TET1: variants seen among roughly 807,000 people sequenced by gnomAD.
TET1 encodes the protein tet methylcytosine dioxygenase 1, also known as methylcytosine dioxygenase TET1.
In TET1, 13 loss-of-function variants were observed where a neutral mutation model predicts 148.7. That is an observed-to-expected ratio of 0.09 (90% CI 0.06 to 0.14). TET1 has a LOEUF of 0.14. Ranked by LOEUF, TET1 falls within the 10% of genes least tolerant of loss-of-function variation. The pLI is 1.00. For synonymous variants in TET1, 907 were observed against 937.2 expected, an observed-to-expected ratio of 0.97 and a Z score of 0.59; for missense variants, 2,182 against 2,553.8, an observed-to-expected ratio of 0.85 and a Z score of 3.14.
intron 8 of TET1, 22 bp from the exon 9 acceptor site, chr10:68,681,377 A>G: frequency 6.6e-7 from 1 of 1,523,398 alleles, no homozygotes; most frequent in Non-Finnish European, 9.1e-7. Context: ...TAAAATACCT[A>G]ATGGATTCTG....
chr10:68,610,893 C>T (rs1048119375), intron 3 of TET1, among the ~76,000 whole-genome samples: 1 of 152,114 alleles, frequency 6.6e-6, no homozygotes, highest in Non-Finnish European at 1.5e-5. Flanking sequence ...TGGGCTCAAG[C>T]AAACCCAAAG....
At chr10:68,575,265 T>A (rs1351155353) in intron 2 of TET1, among the ~76,000 whole-genome samples, 1 of 151,946 alleles carries the variant, frequency 6.6e-6, no homozygotes, top group Non-Finnish European at 1.5e-5. Flanking sequence ...GTGCCTGTAA[T>A]CCCAGCTACT....
At chr10:68,654,221 A>T (rs1573038) in intron 6 of TET1, among the ~76,000 whole-genome samples, 28,950 of 151,946 alleles carry the variant, frequency 0.19, 3,482 homozygotes, top group African/African-American at 0.34. Flanking sequence ...GCAGAGGATA[A>T]GCAGGAAGTA....
At chr10:68,585,154 G>A (rs1366015460) in intron 2 of TET1, among the ~76,000 whole-genome samples, 4 of 152,076 alleles carry the variant, frequency 2.6e-5, no homozygotes, top group Admixed American at 6.6e-5. Context: ...AAAGGCATGC[G>A]CCACCACACC....
intron 6 of TET1, among the ~76,000 whole-genome samples, chr10:68,662,897 G>A (rs1379961197): frequency 6.6e-6 from 1 of 152,128 alleles, no homozygotes; most frequent in Non-Finnish European, 1.5e-5. Flanking sequence ...CTCCAGCCAA[G>A]GTGACATAGT....
intron 3 of TET1, among the ~76,000 whole-genome samples, chr10:68,613,753 A>G (rs2054249667): frequency 6.6e-6 from 1 of 152,150 alleles, no homozygotes; most frequent in Non-Finnish European, 1.5e-5. Context: ...CCTAGCCAAC[A>G]TGGTGAAACC....
intron 2 of TET1, among the ~76,000 whole-genome samples, chr10:68,588,839 T>G (rs2053888022): frequency 6.6e-6 from 1 of 150,822 alleles, no homozygotes; most frequent in African/African-American, 2.4e-5. Context: ...AAAAAAATGT[T>G]GGCTGGGTGT....
intron 6 of TET1, among the ~76,000 whole-genome samples, chr10:68,655,418 A>G (rs2055007157): frequency 6.6e-6 from 1 of 152,186 alleles, no homozygotes; most frequent in African/African-American, 2.4e-5. Flanking sequence ...GTTGTTACCA[A>G]TTTATTGAGC....
intron 6 of TET1, among the ~76,000 whole-genome samples, chr10:68,652,845 A>T (rs373178179): frequency 9.9e-6 from 1 of 101,214 alleles, no homozygotes; most frequent in Non-Finnish European, 1.9e-5. Context: ...AACCCGGCTA[A>T]TTTTTTTTTT....
At chr10:68,592,765 T>C (rs1175082255) in intron 2 of TET1, among the ~76,000 whole-genome samples, 3 of 152,190 alleles carry the variant, frequency 2.0e-5, no homozygotes, top group Non-Finnish European at 4.4e-5. Flanking sequence ...GTGGGAAATA[T>C]TGCTTCCCCT....
intron 8 of TET1, among the ~76,000 whole-genome samples, chr10:68,679,612 CATA>C (rs1440316226): frequency 4.6e-5 from 7 of 152,148 alleles, no homozygotes; most frequent in Non-Finnish European, 5.9e-5. Context: ...CCCAAATAAA[CATA>C]ATAATTAGTG....
At chr10:68,623,109 G>T (rs1049396875) in intron 3 of TET1, among the ~76,000 whole-genome samples, 3 of 152,116 alleles carry the variant, frequency 2.0e-5, no homozygotes, top group African/African-American at 7.2e-5. Context: ...ATATTGTGGG[G>T]AGATACTTGG....
Position 68,686,719 on chromosome 10 carries a change from G to A in TET1, c.5404+12G>A. Reference sequence around the variant, plus strand: ...ACTGCCAACCTTAGGTGAGCCCTATGGAACCTGGTAATCTCTGCACAACTT... The same window carrying A: ...ACTGCCAACCTTAGGTGAGCCCTATAGAACCTGGTAATCTCTGCACAACTT... On this transcript the variant is annotated intron_variant, in intron 11 of 11. Coordinates refer to ENST00000373644, the MANE Select transcript of TET1 (RefSeq NM_030625.3). 1 of 1,602,406 alleles carries A rather than the reference G, an allele frequency of 6.2e-7. No individual in the cohort carries two copies.
chr10:68,612,772 C>T (rs1589076216), intron 3 of TET1, among the ~76,000 whole-genome samples: 1 of 152,028 alleles, frequency 6.6e-6, no homozygotes, highest in African/African-American at 2.4e-5. Context: ...TACACACCAC[C>T]ACGCCCAGCT....
Position 68,642,088 on chromosome 10 carries a change from T to C in TET1, c.1969-2610T>C, listed in dbSNP as rs534758354. Among the ~76,000 whole-genome samples the C allele has an allele frequency of 8.3e-4, 126 of 152,322 alleles. 1 individual carries two copies. The highest frequency in any genetic ancestry group is 3.0e-3 in the African/African-American group (123 of 41,574). ...ATTGGAGTTATCATTCTTTTTACAA[T>C]TGGTATCAATGGGAACACTCCACTG... On this transcript the variant is annotated intron_variant, in intron 3 of 11. Coordinates refer to ENST00000373644, the MANE Select transcript of TET1 (RefSeq NM_030625.3).
chr10:68,599,720 T>C (rs913416888), intron 2 of TET1, among the ~76,000 whole-genome samples: 1 of 152,212 alleles, frequency 6.6e-6, no homozygotes, highest in Non-Finnish European at 1.5e-5. Context: ...TCTGCGGATA[T>C]AGATGCTCAG....
At chr10:68,567,028 C>G (rs1464896408) in intron 1 of TET1, among the ~76,000 whole-genome samples, 1 of 152,080 alleles carries the variant, frequency 6.6e-6, no homozygotes, top group Non-Finnish European at 1.5e-5. Flanking sequence ...TACCAAGAAA[C>G]TTGTCACAAT....
intron 1 of TET1, among the ~76,000 whole-genome samples, chr10:68,563,548 G>A (rs1451596830): frequency 2.6e-5 from 4 of 152,218 alleles, no homozygotes; most frequent in Admixed American, 2.6e-4. Context: ...ATTGAAATAT[G>A]ACTTTAATTT....
At chr10:68,632,632 G>C in intron 3 of TET1, 1 of 1,587,136 alleles carries the variant, frequency 6.3e-7, no homozygotes, top group Non-Finnish European at 8.7e-7. Flanking sequence ...AAGAATCCAG[G>C]AAAGAATTGC....
Sources: gnomAD v4.1 joint callset for allele counts (sites outside exome capture counted in the v4.1 genomes callset) on GRCh38, gnomAD v4.1.1 for gene constraint, MANE v1.5 for transcripts, NCBI Gene and HGNC (gene_info 2026-07-23, HGNC 2026-07-21) for gene names.